The following KRAS variants were observed in gnomAD, a reference collection of about 807,000 sequenced individuals.
The protein encoded by KRAS is KRas proto-oncogene, GTPase.
Under a neutral mutation model 21.0 loss-of-function variants are expected in KRAS, and 1 was observed. That is an observed-to-expected ratio of 0.05 (90% CI 0.02 to 0.23). The LOEUF is 0.23. KRAS is among the 10% of genes least tolerant of loss of function. The pLI is 1.00. For synonymous variants in KRAS, 67 were observed against 72.5 expected (o/e 0.92, Z 0.39); for missense variants, 107 against 221.8 (o/e 0.48, Z 3.29).
At chr12:25,248,149 A>G (rs1356999638) in intron 1 of KRAS, among the ~76,000 whole-genome samples, 1 of 151,914 alleles carries the variant, frequency 6.6e-6, no homozygotes, top group African/African-American at 2.4e-5. Flanking sequence ...ATAAGAGCCA[A>G]TGTGCCCGGC....
chr12:25,208,941 A>C lies in KRAS; in HGVS notation c.*854T>G. The C allele has an allele frequency of 6.7e-6, 2 of 297,518 alleles. No individual in the cohort carries two copies. The highest frequency in any genetic ancestry group is 1.2e-5 in the Non-Finnish European group (2 of 161,728). The allele number at this position is 297,518 out of a possible 1,614,324, so 18.4% of individuals were successfully genotyped here. A position where few individuals can be genotyped will look rare whatever the true frequency, so the allele number is the denominator to read the frequency against. ...TTATACTATGAAAGAGCAGTCTGACACAGGGAGACTACATTTAATTCCTAT... is the reference window on the plus strand; with the variant it reads ...TTATACTATGAAAGAGCAGTCTGACCCAGGGAGACTACATTTAATTCCTAT... On this transcript the variant is annotated 3_prime_UTR_variant, in exon 5 of 5. Coordinates refer to ENST00000311936, the MANE Select transcript of KRAS (RefSeq NM_004985.5).
rs1007843517 is a variant in KRAS, at chr12:25,225,924, GTTA to G, written c.291-154_291-152del. On this transcript the variant is annotated intron_variant, in intron 3 of 4. Transcript: ENST00000311936. ...CAAATTTTCCTTCCTTCTTCTACTA[GTTA>G]TTTTGTTTCTTTACCTTTTTAAACA... 7.0e-5 allele frequency: 47 copies of G among 674,524 alleles called. No individual in the cohort carries two copies. The African/African-American group carries it at 8.3e-4, about 12-fold the overall frequency. The allele number at this position is 674,524 out of a possible 1,614,324, so 41.8% of individuals were successfully genotyped here.
At chr12:25,244,225 T>C (rs1452483315) in intron 2 of KRAS, among the ~76,000 whole-genome samples, 2 of 152,172 alleles carry the variant, frequency 1.3e-5, no homozygotes, top group Non-Finnish European at 2.9e-5. Flanking sequence ...AGAAAGTTCT[T>C]AGAAATTTTT....
At position 25,230,136 on chromosome 12, in the gene KRAS, A is replaced by C. The variant is rs562760936; in HGVS notation, c.112-2724T>G. 2.0e-5 allele frequency among the ~76,000 whole-genome samples: 3 copies of C among 152,212 alleles called. No homozygotes were observed. The South Asian group carries it at 6.2e-4, about 32-fold the overall frequency. On this transcript the variant is annotated intron_variant, in intron 2 of 4. Transcript: ENST00000311936. ...TTCTATCAGAGGGAGAAAGAGAGAA[A>C]GAATGGTCATTACAAATGTTGTTAG...
At chr12:25,214,686 C>G (rs1055063499) in intron 4 of KRAS, among the ~76,000 whole-genome samples, 2 of 152,148 alleles carry the variant, frequency 1.3e-5, no homozygotes, top group Non-Finnish European at 2.9e-5. Flanking sequence ...CCGCGCCCGG[C>G]CAAAAATGAC....
At chr12:25,221,271 C>T (rs998440201) in intron 4 of KRAS, among the ~76,000 whole-genome samples, 1 of 148,948 alleles carries the variant, frequency 6.7e-6, no homozygotes, top group Non-Finnish European at 1.5e-5. Context: ...CTCGCTCGGT[C>T]GTCCAGGCTG....
chr12:25,215,250 TTG>T (rs1951241156), intron 4 of KRAS: 1 of 749,340 alleles, frequency 1.3e-6, no homozygotes, highest in African/African-American at 1.9e-5. Context: ...GCCATCAAAA[TTG>T]TCTCAATTAT....
At chr12:25,219,233 G>C (rs1565881834) in intron 4 of KRAS, among the ~76,000 whole-genome samples, 1 of 152,114 alleles carries the variant, frequency 6.6e-6, no homozygotes, top group Non-Finnish European at 1.5e-5. Flanking sequence ...ACCGTGCCTA[G>C]CCTACTTTTG....
chr12:25,214,904 A>C (rs4963859), intron 4 of KRAS, among the ~76,000 whole-genome samples: 74,849 of 151,906 alleles, frequency 0.49, 19,393 homozygotes, highest in East Asian at 0.8. Flanking sequence ...TAAAATTCCC[A>C]GGTTTCTCAC....
chr12:25,215,520 C>T lies in KRAS; in HGVS notation c.451-5609G>A, dbSNP rs758575947. Reference sequence around the variant, plus strand: ...GCTGATTTTTTTCAATCTGTATTGTCGGATCTCTCTCACCAATGTATAAAA... The same window carrying T: ...GCTGATTTTTTTCAATCTGTATTGTTGGATCTCTCTCACCAATGTATAAAA... On this transcript the variant is annotated intron_variant, in intron 4 of 4. Coordinates refer to ENST00000311936, the MANE Select transcript of KRAS (RefSeq NM_004985.5). 9.3e-6 allele frequency: 15 copies of T among 1,611,792 alleles called. No homozygotes were observed. In the South Asian group the frequency reaches 1.2e-4, roughly 13 times the overall value.
At chr12:25,246,638 C>T (rs528415691) in intron 1 of KRAS, among the ~76,000 whole-genome samples, 92 of 152,148 alleles carry the variant, frequency 6.0e-4, no homozygotes, top group Non-Finnish European at 1.2e-3. Flanking sequence ...GCAAGTGAGC[C>T]GGGCACGGTG....
chr12:25,211,783 T>C (rs757988679), intron 4 of KRAS, among the ~76,000 whole-genome samples: 1 of 152,184 alleles, frequency 6.6e-6, no homozygotes, highest in East Asian at 1.9e-4. Flanking sequence ...CTAGTCCACA[T>C]TAAGCAAACA....
rs1381939232 is a variant in KRAS at position 25,229,630 on chromosome 12, A to G, written c.112-2218T>C. Among the ~76,000 whole-genome samples the G allele has an allele frequency of 3.9e-5, 6 of 152,194 alleles. No individual in the cohort carries two copies. In the East Asian group the frequency reaches 1.2e-3, roughly 29 times the overall value. On this transcript the variant is annotated intron_variant, in intron 2 of 4. Transcript: ENST00000311936. ...ACACATTCTGCCAAAACAGTCCTCA[A>G]AAAATATGGTAAAGGGATGTTACAA...
rs1467010649 is a variant in KRAS at position 25,208,637 on chromosome 12, G to A, written c.*1158C>T. The A allele has an allele frequency of 3.4e-5, 8 of 232,864 alleles. No individual in the cohort carries two copies. The highest frequency in any genetic ancestry group is 5.6e-5 in the Admixed American group (1 of 17,756). 14.4% of individuals were successfully genotyped at this position (232,864 alleles called of 1,614,324 possible). ...AGCAATGCTCTTGATTTGTCAGCAG[G>A]ACCACCACAGAGTGAGATTGTATCT... On this transcript the variant is annotated 3_prime_UTR_variant, in exon 5 of 5. Transcript: ENST00000311936.
intron 2 of KRAS, among the ~76,000 whole-genome samples, chr12:25,236,232 C>T (rs1315038275): frequency 6.6e-6 from 1 of 152,106 alleles, no homozygotes; most frequent in Non-Finnish European, 1.5e-5. Context: ...TATACAAAAT[C>T]ACTAAAAGGT....
At chr12:25,219,501 G>C (rs770614456) in intron 4 of KRAS, among the ~76,000 whole-genome samples, 1 of 152,158 alleles carries the variant, frequency 6.6e-6, no homozygotes, top group Non-Finnish European at 1.5e-5. Context: ...AAGAGATTTT[G>C]TTTTAAGTAA....
intron 1 of KRAS, among the ~76,000 whole-genome samples, chr12:25,248,620 T>A (rs1477503197): frequency 1.4e-5 from 2 of 146,086 alleles, no homozygotes; most frequent in Admixed American, 6.9e-5. Context: ...AAAAAAAAAA[T>A]TCCTTGAATG....
intron 4 of KRAS, among the ~76,000 whole-genome samples, chr12:25,217,976 C>T (rs575653463): frequency 2.0e-5 from 3 of 152,086 alleles, no homozygotes; most frequent in African/African-American, 7.2e-5. Flanking sequence ...TTACCTTTGT[C>T]TTGAAAAAAT....
At chr12:25,235,243 G>T in intron 2 of KRAS, 1 of 562,028 alleles carries the variant, frequency 1.8e-6, no homozygotes, top group South Asian at 2.2e-5. Context: ...GAAAAGATGA[G>T]AAACTTTTAC....
Sources: allele counts gnomAD v4.1 joint callset (sites outside exome capture counted in the v4.1 genomes callset), GRCh38; gene constraint gnomAD v4.1.1; transcripts MANE v1.5; gene names NCBI Gene and HGNC (gene_info 2026-07-23, HGNC 2026-07-21).